The following EXOC2 variants were observed in gnomAD, a reference collection of about 807,000 sequenced individuals.
EXOC2 encodes the protein SEC5-like 1.
EXOC2 carries 70 observed loss-of-function variants against 131.8 expected under a neutral mutation model. The ratio of observed to expected loss-of-function variants is 0.53; its 90% CI spans 0.44 to 0.65. The LOEUF (loss-of-function observed/expected upper bound fraction) is 0.65. EXOC2 is among the 30% of genes least tolerant of loss of function. The pLI is 0.00. For missense variants in EXOC2, 923 were observed against 1,108.6 expected (o/e 0.83, Z 2.38); for synonymous variants, 411 against 398.4 (o/e 1.03, Z -0.38).
intron 23 of EXOC2, among the ~76,000 whole-genome samples, chr6:523,720 G>C (rs1163155643): frequency 6.6e-6 from 1 of 152,192 alleles, no homozygotes; most frequent in African/African-American, 2.4e-5. Flanking sequence ...GTCTCTCCCT[G>C]TTGCCCAGGC....
intron 1 of EXOC2, among the ~76,000 whole-genome samples, chr6:690,784 T>C (rs1286461861): frequency 1.3e-5 from 2 of 152,236 alleles, no homozygotes; most frequent in Admixed American, 6.5e-5. Flanking sequence ...TTTTGACTAA[T>C]ATAAACATAC....
chr6:624,214 G>A (rs1761437716), intron 4 of EXOC2, among the ~76,000 whole-genome samples: 1 of 152,166 alleles, frequency 6.6e-6, no homozygotes. Context: ...GGGTAACACA[G>A]CTGCAAAAGT....
intron 7 of EXOC2, among the ~76,000 whole-genome samples, chr6:603,340 G>A (rs1760205545): frequency 1.3e-5 from 2 of 152,172 alleles, no homozygotes; most frequent in African/African-American, 4.8e-5. Context: ...AGAAAATGAC[G>A]AGATAGGCTG....
At position 656,632 on chromosome 6, in the gene EXOC2, T is replaced by C. The variant is rs150591641; in HGVS notation, c.-43-18771A>G. ...GTGAGGGAGGGGCGGCGCTTGTGGG[T>C]CAGCTGCAGCTTCAGGGAGGACGCG... On this transcript the variant is annotated intron_variant, in intron 1 of 27. Transcript: ENST00000230449. 1.6e-4 allele frequency: 257 copies of C among 1,605,244 alleles called. 1 individual carries two copies. The African/African-American group carries it at 3.3e-3, about 20-fold the overall frequency.
intron 4 of EXOC2, among the ~76,000 whole-genome samples, chr6:626,687 G>A (rs757149654): frequency 3.3e-5 from 5 of 151,988 alleles, no homozygotes; most frequent in Non-Finnish European, 5.9e-5. Context: ...CACCTCCTGA[G>A]TTCAAGTGAT....
At chr6:658,438 ATACT>A (rs1327249779) in intron 1 of EXOC2, among the ~76,000 whole-genome samples, 1 of 151,970 alleles carries the variant, frequency 6.6e-6, no homozygotes, top group African/African-American at 2.4e-5. Flanking sequence ...GATATAGTAC[ATACT>A]TAGACTTCTT....
At chr6:601,006 A>G (rs1760101124) in intron 7 of EXOC2, among the ~76,000 whole-genome samples, 1 of 152,250 alleles carries the variant, frequency 6.6e-6, no homozygotes, top group Non-Finnish European at 1.5e-5. Context: ...ACATGAGGGC[A>G]GTGAAACCAA....
intron 22 of EXOC2, among the ~76,000 whole-genome samples, chr6:546,877 G>A (rs534461284): frequency 2.2e-4 from 33 of 152,336 alleles, no homozygotes; most frequent in South Asian, 1.2e-3. Flanking sequence ...TTAGATTTTC[G>A]ACTGCACAGG....
At position 657,728 on chromosome 6, in the gene EXOC2, A is replaced by G. The variant is rs180702367; in HGVS notation, c.-43-19867T>C. On this transcript the variant is annotated intron_variant, in intron 1 of 27. Transcript: ENST00000230449. ...CTCTAGCCCACCAGCAACACTGGGT[A>G]GTAGCAATCTGTTTTACCTGTAGCA... Among the ~76,000 whole-genome samples, 813 of 150,938 alleles carry G rather than the reference A, an allele frequency of 5.4e-3. 10 individuals carry two copies. Among genetic ancestry groups the G allele is most frequent in the African/African-American group, 0.019 (776 of 41,118 alleles).
intron 2 of EXOC2, 122 bp from the exon 3 acceptor site, chr6:633,239 A>G: frequency 1.9e-6 from 2 of 1,045,568 alleles, no homozygotes; most frequent in South Asian, 3.3e-5. Context: ...TATACCCAAT[A>G]TTATTTGCAG....
intron 22 of EXOC2, among the ~76,000 whole-genome samples, chr6:541,457 A>G (rs1438531226): frequency 1.3e-5 from 2 of 152,204 alleles, no homozygotes; most frequent in South Asian, 2.1e-4. Context: ...ATAACGAGAG[A>G]GCACTACTAA....
In EXOC2 at chr6:632,215, C is replaced by T. The variant is rs1003285052; in HGVS notation, c.295+726G>A. Among the ~76,000 whole-genome samples, 9 of 152,316 alleles carry T rather than the reference C, an allele frequency of 5.9e-5. No homozygotes were observed. The South Asian group carries it at 1.5e-3, about 25-fold the overall frequency. Reference sequence around the variant, plus strand: ...ATGCTAAGCACTTTACATTTATGTTCTAACTCACCCAATCCTATGAGGTAG... The same window carrying T: ...ATGCTAAGCACTTTACATTTATGTTTTAACTCACCCAATCCTATGAGGTAG... On this transcript the variant is annotated intron_variant, in intron 3 of 27. Transcript: ENST00000230449.
chr6:657,894 C>T (rs1763213194), intron 1 of EXOC2, among the ~76,000 whole-genome samples: 1 of 152,196 alleles, frequency 6.6e-6, no homozygotes, highest in Admixed American at 6.5e-5. Context: ...CTGTCCATTA[C>T]ATGTACTGTA....
intron 20 of EXOC2, 92 bp from the exon 21 acceptor site, chr6:554,012 T>C (rs1314678684): frequency 2.0e-6 from 2 of 983,244 alleles, no homozygotes; most frequent in Admixed American, 2.0e-5. Context: ...GTGCAATGAA[T>C]TATATGGAAA....
intron 12 of EXOC2, among the ~76,000 whole-genome samples, chr6:574,792 G>A (rs1216844210): frequency 1.3e-5 from 2 of 152,240 alleles, no homozygotes; most frequent in Admixed American, 6.5e-5. Context: ...TAACAGAACA[G>A]TCAATTAACC....
In EXOC2 at chr6:504,350, G is replaced by A. The variant is rs73719455; in HGVS notation, c.2381-4650C>T. On this transcript the variant is annotated intron_variant, in intron 23 of 27. Transcript: ENST00000230449. ...CCGTTATGGAAGCGGCTGAGGCCTC[G>A]CGGTGATGGCAGAACGATGTGTGGG... Among the ~76,000 whole-genome samples the A allele has an allele frequency of 2.6e-3, 391 of 152,344 alleles. 2 individuals carry two copies. Among genetic ancestry groups the A allele is most frequent in the African/African-American group, 8.9e-3 (371 of 41,574 alleles).
intron 10 of EXOC2, among the ~76,000 whole-genome samples, chr6:595,457 A>T (rs1416625576): frequency 6.6e-6 from 1 of 152,044 alleles, no homozygotes; most frequent in Non-Finnish European, 1.5e-5. Context: ...ATAATCATTA[A>T]CAAATACATA....
rs555672584 is a variant in EXOC2 at position 495,212 on chromosome 6, A to G, written c.2559+2155T>C. ...GCGATCTCGGCTCACTGCGAGCTCC[A>G]CCTCCAGGGTTCACGCCATTCTCCT... On this transcript the variant is annotated intron_variant, in intron 25 of 27. Transcript: ENST00000230449. 8.8e-3 allele frequency among the ~76,000 whole-genome samples: 1,275 copies of G among 144,718 alleles called. 26 individuals are homozygous for G. The highest frequency in any genetic ancestry group is 0.032 in the African/African-American group (1,222 of 38,662). 94.9% of individuals were successfully genotyped at this position (144,718 alleles called of 152,430 possible). A position where few individuals can be genotyped will look rare whatever the true frequency, so the allele number is the denominator to read the frequency against.
intron 11 of EXOC2, among the ~76,000 whole-genome samples, 163 bp from the exon 12 acceptor site, chr6:577,045 T>C (rs1180039933): frequency 2.6e-5 from 4 of 152,214 alleles, no homozygotes; most frequent in Non-Finnish European, 5.9e-5. Flanking sequence ...TCTAAACAGA[T>C]TTTAAAAGTC....
Sources: allele counts gnomAD v4.1 joint callset (sites outside exome capture counted in the v4.1 genomes callset), GRCh38; gene constraint gnomAD v4.1.1; transcripts MANE v1.5; gene names NCBI Gene and HGNC (gene_info 2026-07-23, HGNC 2026-07-21).